FAM81A: variants seen among roughly 807,000 people sequenced by gnomAD.
FAM81A encodes family with sequence similarity 81 member A.
A neutral mutation model predicts 46.7 loss-of-function variants in FAM81A; 19 were observed. That is an observed-to-expected ratio of 0.41 (90% CI 0.28 to 0.60). The LOEUF (loss-of-function observed/expected upper bound fraction) is 0.60, where lower values mean the gene tolerates loss of function less well. FAM81A is among the 20% of genes least tolerant of loss of function. The pLI is 0.34. For missense variants in FAM81A, 377 were observed against 453.5 expected (o/e 0.83, Z 1.53); for synonymous variants, 183 against 152.9 (o/e 1.20, Z -1.45).
chr15:59,507,070 G>A lies in FAM81A; in HGVS notation c.414-143G>A, dbSNP rs1596540322. The A allele has an allele frequency of 2.8e-6, 3 of 1,083,884 alleles. No individual in the cohort carries two copies. In the East Asian group the frequency reaches 8.1e-5, roughly 29 times the overall value. 67.1% of individuals were successfully genotyped at this position (1,083,884 alleles called of 1,614,324 possible). A position where few individuals can be genotyped will look rare whatever the true frequency, so the allele number is the denominator to read the frequency against. On this transcript the variant is annotated intron_variant, in intron 4 of 8. Coordinates refer to ENST00000288228, the MANE Select transcript of FAM81A (RefSeq NM_152450.3). ...AAAACCATAATGAGGCCAGCTCTTG[G>A]AATTCATTTGAACCTCTGTTCAAAA...
chr15:59,502,070 G>A (rs1361135194), intron 4 of FAM81A, among the ~76,000 whole-genome samples: 5 of 151,644 alleles, frequency 3.3e-5, no homozygotes, highest in Admixed American at 2.0e-4. Context: ...TTAACAATAT[G>A]TCACATTTAC....
At chr15:59,405,061 G>A (rs1472670382) in intron 2 of FAM81A, among the ~76,000 whole-genome samples, 2 of 152,132 alleles carry the variant, frequency 1.3e-5, no homozygotes, top group African/African-American at 2.4e-5. Context: ...TCCAAGCTTT[G>A]TTTCTTTTGC....
At chr15:59,425,617 C>A (rs959378613) in intron 2 of FAM81A, among the ~76,000 whole-genome samples, 1 of 151,884 alleles carries the variant, frequency 6.6e-6, no homozygotes, top group Non-Finnish European at 1.5e-5. Context: ...CTTGGCTATT[C>A]TTTTATTTGT....
At chr15:59,435,228 A>G (rs2081238130), upstream of FAM81A, among the ~76,000 whole-genome samples, 1 of 152,084 alleles carries the variant, frequency 6.6e-6, no homozygotes, top group African/African-American at 2.4e-5. Context: ...CAGAGGTTGC[A>G]GTGAGCCGAG....
intron 1 of FAM81A, among the ~76,000 whole-genome samples, chr15:59,451,693 T>A (rs745734155): frequency 2.0e-4 from 30 of 152,142 alleles, no homozygotes; most frequent in Non-Finnish European, 2.9e-4. Flanking sequence ...CCTCAAATGA[T>A]CCGTCCACCT....
intron 1 of FAM81A, among the ~76,000 whole-genome samples, chr15:59,453,208 C>G (rs771125897): frequency 6.6e-6 from 1 of 152,226 alleles, no homozygotes; most frequent in Non-Finnish European, 1.5e-5. Context: ...CCATAGCCTC[C>G]TGTGGCTAAT....
At chr15:59,471,637 A>AT (rs34636106) in intron 3 of FAM81A, among the ~76,000 whole-genome samples, 116,858 of 146,654 alleles carry the variant, frequency 0.8, 46,781 homozygotes, top group African/African-American at 0.92. Context: ...AATTTTTCTT[A>AT]TTTTTTTTTT....
At chr15:59,431,586 G>A (rs1467937058) in intron 2 of FAM81A, among the ~76,000 whole-genome samples, 1 of 148,270 alleles carries the variant, frequency 6.7e-6, no homozygotes, top group Non-Finnish European at 1.5e-5. Flanking sequence ...GGCTGGTCTC[G>A]AATTCCTGGG....
intron 1 of FAM81A, chr15:59,401,507 G>T: frequency 1.3e-6 from 1 of 748,980 alleles, no homozygotes; most frequent in Non-Finnish European, 2.4e-6. Context: ...TTCATACTTA[G>T]GTGGTATTCT....
Position 59,402,751 on chromosome 15 carries a change from A to T in FAM81A, c.-78+393A>T, listed in dbSNP as rs28491525. ...GGATATTTAGTAGAGATGGGGTTTC[A>T]CCATGTTAGCCAGGCTGGTCTCGAA... On this transcript the variant is annotated intron_variant, in intron 2 of 4. Coordinates refer to the FAM81A transcript ENST00000558348. Among the ~76,000 whole-genome samples the T allele has an allele frequency of 6.4e-3, 971 of 151,818 alleles. 9 individuals are homozygous for T. The highest frequency in any genetic ancestry group is 0.021 in the African/African-American group (878 of 41,354).
intron 2 of FAM81A, among the ~76,000 whole-genome samples, chr15:59,428,288 C>A (rs1465957478): frequency 6.6e-6 from 1 of 152,068 alleles, no homozygotes; most frequent in Non-Finnish European, 1.5e-5. Flanking sequence ...GCATTCCTTA[C>A]ATATTGTGAT....
rs200746813 is a variant in FAM81A at position 59,417,853 on chromosome 15, T to C, written c.-78+15495T>C. On this transcript the variant is annotated intron_variant, in intron 2 of 4. Transcript: ENST00000558348. ...TTGTTACATATGTATACATGTGCCC[T>C]GTTGGTGTGCTGCACCCATTAACTC... 2.1e-4 allele frequency among the ~76,000 whole-genome samples: 32 copies of C among 152,296 alleles called. No homozygotes were observed. In the East Asian group the frequency reaches 6.0e-3, roughly 28 times the overall value.
rs193107806 is a variant in FAM81A, at chr15:59,482,575, T to C, written c.295-9696T>C. Among the ~76,000 whole-genome samples, 3 of 152,328 alleles carry C rather than the reference T, an allele frequency of 2.0e-5. No homozygotes were observed. In the East Asian group the frequency reaches 5.8e-4, roughly 29 times the overall value. On this transcript the variant is annotated intron_variant, in intron 3 of 8. Coordinates refer to ENST00000288228, the MANE Select transcript of FAM81A (RefSeq NM_152450.3). ...TGAGCCACCATGCCCAGCTCTATAGTGTCTAATACAGTGTATTAGGCGCTG... is the reference window on the plus strand; with the variant it reads ...TGAGCCACCATGCCCAGCTCTATAGCGTCTAATACAGTGTATTAGGCGCTG...
chr15:59,429,169 T>G (rs946936524), intron 2 of FAM81A, among the ~76,000 whole-genome samples: 5 of 152,266 alleles, frequency 3.3e-5, no homozygotes, highest in Admixed American at 2.0e-4. Context: ...AAAACTGATG[T>G]TATTCGGATT....
chr15:59,403,581 G>A (rs1029624230), intron 2 of FAM81A, among the ~76,000 whole-genome samples: 1 of 152,216 alleles, frequency 6.6e-6, no homozygotes, highest in Non-Finnish European at 1.5e-5. Flanking sequence ...AGCCGAAGCA[G>A]ATGAGTACAG....
At chr15:59,485,135 T>C (rs1453977626) in intron 3 of FAM81A, among the ~76,000 whole-genome samples, 2 of 152,170 alleles carry the variant, frequency 1.3e-5, no homozygotes, top group Admixed American at 1.3e-4. Context: ...TTTCTGATTC[T>C]AGGCCCAGGC....
In FAM81A at chr15:59,458,546, A is replaced by G. The variant is rs1179264160; in HGVS notation, c.-77-4A>G. ...AAATAATTTAGTGCTTATTTTTTCA[A>G]CAGATGTGAATTATTAAAAAGAAAA... On this transcript the variant is annotated splice_region_variant and splice_polypyrimidine_tract_variant and intron_variant, in intron 1 of 8. Coordinates refer to ENST00000288228, the MANE Select transcript of FAM81A (RefSeq NM_152450.3). 1 of 1,604,240 alleles carries G rather than the reference A, an allele frequency of 6.2e-7. No individual in the cohort carries two copies. The highest frequency in any genetic ancestry group is 8.5e-7 in the Non-Finnish European group (1 of 1,174,152).
rs116037290 is a variant in FAM81A at position 59,453,147 on chromosome 15, C to T, written c.-77-5403C>T. 9.1e-3 allele frequency among the ~76,000 whole-genome samples: 1,387 copies of T among 152,294 alleles called. 24 individuals are homozygous for T. The highest frequency in any genetic ancestry group is 0.031 in the African/African-American group (1,292 of 41,538). ...GCCAGGGAAGGGAAAGGAACCAACC[C>T]TTACTGGAAGCTTATCCAGTGTGCT... On this transcript the variant is annotated intron_variant, in intron 1 of 8. Coordinates refer to ENST00000288228, the MANE Select transcript of FAM81A (RefSeq NM_152450.3).
chr15:59,467,150 A>C (rs1411081662), intron 3 of FAM81A, among the ~76,000 whole-genome samples: 2 of 152,198 alleles, frequency 1.3e-5, no homozygotes, highest in Admixed American at 6.5e-5. Flanking sequence ...TGATGCTTCC[A>C]GCTTTGTTCT....
Sources: allele counts gnomAD v4.1 joint callset (sites outside exome capture counted in the v4.1 genomes callset), GRCh38; gene constraint gnomAD v4.1.1; transcripts MANE v1.5; gene names NCBI Gene and HGNC (gene_info 2026-07-23, HGNC 2026-07-21).